Variants in ARHGEF11 observed in about 807,000 individuals in gnomAD.
ARHGEF11 encodes Rho guanine exchange factor (GEF) 11.
In ARHGEF11, 55 loss-of-function variants were observed where a neutral mutation model predicts 193.7. The ratio of observed to expected loss-of-function variants is 0.28; its 90% CI spans 0.23 to 0.36. The LOEUF (loss-of-function observed/expected upper bound fraction) is 0.36, where lower values mean the gene tolerates loss of function less well. ARHGEF11 is among the 10% of genes least tolerant of loss of function. The probability of loss-of-function intolerance (pLI) is 1.00; values close to 1 mark genes in which losing one functional copy is unlikely to be tolerated. For missense variants in ARHGEF11, 1,723 were observed against 2,005.6 expected, an observed-to-expected ratio of 0.86 and a Z score of 2.69; for synonymous variants, 693 against 768.0, an observed-to-expected ratio of 0.90 and a Z score of 1.62.
At chr1:157,037,474 C>T (rs928067853) in intron 1 of ARHGEF11, among the ~76,000 whole-genome samples, 2 of 152,186 alleles carry the variant, frequency 1.3e-5, no homozygotes, top group Non-Finnish European at 2.9e-5. Flanking sequence ...TCTCTCTGCT[C>T]TACAATAATC....
chr1:157,007,916 T>G (rs1321898654), intron 1 of ARHGEF11, among the ~76,000 whole-genome samples: 3 of 136,416 alleles, frequency 2.2e-5, no homozygotes, highest in African/African-American at 8.2e-5. Context: ...TTTTTTTGTT[T>G]TTTTTTTTTT....
At chr1:157,015,994 A>G (rs1669181544) in intron 1 of ARHGEF11, among the ~76,000 whole-genome samples, 2 of 152,224 alleles carry the variant, frequency 1.3e-5, no homozygotes, top group South Asian at 4.1e-4. Flanking sequence ...AGTCTTAAAA[A>G]TAAACCAGGA....
chr1:156,942,084 C>A (rs986868105), intron 33 of ARHGEF11, 95 bp from the exon 34 acceptor site: 2 of 1,580,262 alleles, frequency 1.3e-6, no homozygotes, highest in East Asian at 2.2e-5. Context: ...GCTTCCAGGC[C>A]CTAAGAACCC....
At chr1:156,964,165 C>G (rs772044445) in intron 11 of ARHGEF11, among the ~76,000 whole-genome samples, 1 of 152,154 alleles carries the variant, frequency 6.6e-6, no homozygotes, top group Non-Finnish European at 1.5e-5. Context: ...TTTGTTTGCC[C>G]GCTCAAGAAT....
At chr1:156,986,026 C>G in intron 2 of ARHGEF11, 56 bp downstream of exon 2, 1 of 1,455,778 alleles carries the variant, frequency 6.9e-7, no homozygotes, top group Non-Finnish European at 9.6e-7. Flanking sequence ...GCTGGGAATA[C>G]AGGCATGTGC....
chr1:156,947,852 G>A lies in ARHGEF11; in HGVS notation c.2258C>T (p.Ala753Val). 6.2e-7 allele frequency: 1 copy of A among 1,614,120 alleles called. No homozygotes were observed. Residue 753 changes from alanine (A) to valine (V), a missense_variant, in exon 25 of 41, where the codon GCC becomes GTC. By Grantham distance (64) the Ala-to-Val change is moderately conservative (BLOSUM62 0). This residue lies in a region of ARHGEF11 where 491 missense variants were observed against 654.5 expected (regional missense o/e 0.75). Coordinates refer to ENST00000368194, the MANE Select transcript of ARHGEF11 (RefSeq NM_198236.3). The part of the protein sequence containing the change: ...QLSDLEPEPD[A>V]QNWQHTVGKD... ...GCCCACTGTATGCTGCCAATTTTGGGCATCTGGCTCTGGCTCCAGGTCAGA... is the reference window on the plus strand; with the variant it reads ...GCCCACTGTATGCTGCCAATTTTGGACATCTGGCTCTGGCTCCAGGTCAGA...
chr1:156,995,082 C>A (rs1666289869), intron 1 of ARHGEF11, among the ~76,000 whole-genome samples: 1 of 152,160 alleles, frequency 6.6e-6, no homozygotes, highest in African/African-American at 2.4e-5. Context: ...TTCTGAAATC[C>A]ACCTACTTCT....
At chr1:156,962,878 C>CAAAAAAAAA (rs59159449) in intron 13 of ARHGEF11, among the ~76,000 whole-genome samples, 2 of 21,286 alleles carry the variant, frequency 9.4e-5, no homozygotes, top group African/African-American at 1.8e-4. Flanking sequence ...GACTCCGTCT[C>CAAAAAAAAA]AAAAAAAAAA....
rs559848711 is a variant in ARHGEF11 at position 156,954,380 on chromosome 1, C to CAAAA, written c.1798+508_1798+511dup. Among the ~76,000 whole-genome samples, 20 of 75,160 alleles carry CAAAA rather than the reference C, an allele frequency of 2.7e-4. 4 individuals are homozygous for CAAAA. Among genetic ancestry groups the CAAAA allele is most frequent in the Non-Finnish European group, 3.2e-4 (13 of 40,076 alleles). The allele number at this position is 75,160 out of a possible 152,430, so 49.3% of individuals were successfully genotyped here. A position where few individuals can be genotyped will look rare whatever the true frequency, so the allele number is the denominator to read the frequency against. ...GGGCCACAGAGTGAAACTGTGTCTC[C>CAAAA]AAAAAAAAAAAAAAAAAAAAAAAAA... On this transcript the variant is annotated intron_variant, in intron 21 of 40. Coordinates refer to ENST00000368194, the MANE Select transcript of ARHGEF11 (RefSeq NM_198236.3).
rs1257453469 is a variant in ARHGEF11, at chr1:156,958,986, C to A, written c.1379+60G>T. ...ATGTGCACGTCCCAGAGGGAAGGAGCCAGGGCCAAGAGGCGGAGGTGAACG... is the reference window on the plus strand; with the variant it reads ...ATGTGCACGTCCCAGAGGGAAGGAGACAGGGCCAAGAGGCGGAGGTGAACG... On this transcript the variant is annotated intron_variant, in intron 16 of 40. Coordinates refer to ENST00000368194, the MANE Select transcript of ARHGEF11 (RefSeq NM_198236.3). 3.1e-6 allele frequency: 5 copies of A among 1,609,960 alleles called. No homozygotes were observed. In the Middle Eastern group the frequency reaches 4.9e-4, roughly 159 times the overall value.
chr1:157,039,591 G>C (rs1672484780), intron 1 of ARHGEF11, among the ~76,000 whole-genome samples: 2 of 152,130 alleles, frequency 1.3e-5, no homozygotes, highest in Admixed American at 1.3e-4. Flanking sequence ...CATGCCACTA[G>C]CAGGTGTATG....
chr1:156,969,943 T>C (rs1662280600), intron 9 of ARHGEF11, 55 bp downstream of exon 9: 2 of 1,585,678 alleles, frequency 1.3e-6, no homozygotes, highest in Non-Finnish European at 1.7e-6. Flanking sequence ...GGTAAACAGG[T>C]AAGAAACCTG....
At chr1:156,965,132 T>C (rs779636429) in intron 11 of ARHGEF11, among the ~76,000 whole-genome samples, 1 of 152,202 alleles carries the variant, frequency 6.6e-6, no homozygotes, top group Non-Finnish European at 1.5e-5. Flanking sequence ...GAAATTATAC[T>C]CTATTTGCTC....
At chr1:156,946,197 C>A in intron 28 of ARHGEF11, 35 bp from the exon 29 acceptor site, 1 of 1,592,690 alleles carries the variant, frequency 6.3e-7, no homozygotes. Context: ...GAGGAGATGT[C>A]AGCGTGGCTG....
chr1:156,959,943 C>CAAAA lies in ARHGEF11; in HGVS notation c.1282+471_1282+474dup, dbSNP rs376570752. The stretch of plus-strand genomic sequence containing the variant: ...AAAATAACCCCCCCTCCCCCCCCCC[C>CAAAA]AAAAAAAACAATAAGAAAAACCACT... On this transcript the variant is annotated intron_variant, in intron 15 of 40. Transcript: ENST00000368194. Among the ~76,000 whole-genome samples the CAAAA allele has an allele frequency of 1.6e-3, 157 of 97,182 alleles. 5 individuals are homozygous for CAAAA. The East Asian group carries it at 0.026, about 16-fold the overall frequency. The allele number at this position is 97,182 out of a possible 152,430, so 63.8% of individuals were successfully genotyped here. A position where few individuals can be genotyped will look rare whatever the true frequency, so the allele number is the denominator to read the frequency against.
intron 1 of ARHGEF11, among the ~76,000 whole-genome samples, chr1:157,007,469 C>A (rs545471910): frequency 1.3e-5 from 2 of 152,092 alleles, no homozygotes; most frequent in South Asian, 4.2e-4. Flanking sequence ...AATGGAACTT[C>A]TTATTACAGT....
intron 1 of ARHGEF11, among the ~76,000 whole-genome samples, chr1:156,993,819 C>T (rs1666104361): frequency 6.6e-6 from 1 of 152,200 alleles, no homozygotes; most frequent in South Asian, 2.1e-4. Context: ...TTGCAGACAA[C>T]CGCTGCTGAT....
intron 38 of ARHGEF11, among the ~76,000 whole-genome samples, chr1:156,938,078 C>A (rs567849738): frequency 6.6e-6 from 1 of 152,180 alleles, no homozygotes; most frequent in Non-Finnish European, 1.5e-5. Flanking sequence ...ACTGGAGCGG[C>A]GGCTGAGGTG....
chr1:157,010,192 A>G (rs1029525083), intron 1 of ARHGEF11, among the ~76,000 whole-genome samples: 9 of 152,160 alleles, frequency 5.9e-5, no homozygotes, highest in African/African-American at 1.7e-4. Flanking sequence ...TAAATTTTAA[A>G]AACACAAGAA....
Sources: gnomAD v4.1 joint callset for allele counts (sites outside exome capture counted in the v4.1 genomes callset) on GRCh38, gnomAD v4.1.1 for gene constraint, gnomAD v4.1.1 regional missense constraint, MANE v1.5 for transcripts, NCBI Gene and HGNC (gene_info 2026-07-23, HGNC 2026-07-21) for gene names.